EMC8: variants seen among roughly 807,000 people sequenced by gnomAD.
The protein encoded by EMC8 is ER membrane protein complex subunit 8, also known as COX4 neighbor.
A neutral mutation model predicts 24.3 loss-of-function variants in EMC8; 11 were observed. The observed-to-expected ratio is 0.45, with a 90% CI of 0.28 to 0.75. The LOEUF (loss-of-function observed/expected upper bound fraction) is 0.75. Ranked by LOEUF, EMC8 falls within the 30% of genes least tolerant of loss-of-function variation. The pLI, the probability that EMC8 is intolerant of heterozygous loss-of-function variation, is 0.12. For missense variants in EMC8, 277 were observed against 282.7 expected, an observed-to-expected ratio of 0.98 and a Z score of 0.14; for synonymous variants, 145 against 117.7, an observed-to-expected ratio of 1.23 and a Z score of -1.50.
At chr16:85,785,814 C>A (rs893652496) in intron 2 of EMC8, among the ~76,000 whole-genome samples, 2 of 152,196 alleles carry the variant, frequency 1.3e-5, no homozygotes, top group African/African-American at 4.8e-5. Context: ...TCACCCTCAA[C>A]AGCACCATGT....
At chr16:85,780,011 A>C in intron 4 of EMC8, 144 bp from the exon 5 acceptor site, 1 of 673,588 alleles carries the variant, frequency 1.5e-6, no homozygotes, top group Non-Finnish European at 2.6e-6. Flanking sequence ...TTTCAAACGC[A>C]TGAAGAGGTA....
intron 2 of EMC8, among the ~76,000 whole-genome samples, chr16:85,782,199 T>C (rs913832782): frequency 6.6e-6 from 1 of 152,210 alleles, no homozygotes; most frequent in Non-Finnish European, 1.5e-5. Context: ...GCAAAGCAGC[T>C]TGTCCACTGT....
chr16:85,781,229 G>A lies in EMC8; in HGVS notation c.360C>T (p.Ser120=), dbSNP rs759741223. The A allele has an allele frequency of 1.2e-6, 2 of 1,613,556 alleles. No individual in the cohort carries two copies. Among genetic ancestry groups the A allele is most frequent in the African/African-American group, 1.3e-5 (1 of 75,028 alleles). Reference sequence around the variant, plus strand: ...GACTTACCATGATGAGCGCAGTGTCGCTGAAGCCCTCGGCGATTCTGGAGG... The same window carrying A: ...GACTTACCATGATGAGCGCAGTGTCACTGAAGCCCTCGGCGATTCTGGAGG... ...KVASRIAEGF[S]DTALIMVDNT... The change falls in exon 3 of 5, where the codon AGC becomes AGT. Residue 120 remains serine (S), a synonymous_variant. Transcript: ENST00000253457.
intron 2 of EMC8, 134 bp from the exon 3 acceptor site, chr16:85,781,414 C>T (rs1904491404): frequency 3.0e-6 from 2 of 668,902 alleles, no homozygotes; most frequent in Non-Finnish European, 5.5e-6. Context: ...CACGTGCTCG[C>T]TTCGCTGGTT....
chr16:85,798,123 T>G (rs1044131226), intron 1 of EMC8, among the ~76,000 whole-genome samples: 2 of 139,272 alleles, frequency 1.4e-5, no homozygotes, highest in Non-Finnish European at 3.1e-5. Context: ...CGTTTTTTTT[T>G]TTTTTTTTTT....
chr16:85,797,228 T>C (rs982327164), intron 1 of EMC8, among the ~76,000 whole-genome samples: 2 of 152,116 alleles, frequency 1.3e-5, no homozygotes, highest in African/African-American at 2.4e-5. Context: ...GTCAACACAG[T>C]GAAACCCCAT....
At chr16:85,794,472 T>G (rs928177194) in intron 1 of EMC8, among the ~76,000 whole-genome samples, 3 of 152,148 alleles carry the variant, frequency 2.0e-5, no homozygotes, top group African/African-American at 7.2e-5. Flanking sequence ...GCGGACTGCC[T>G]GAGCTCAGGA....
chr16:85,792,828 C>A (rs1312624942), intron 1 of EMC8: 1 of 152,248 alleles, frequency 6.6e-6, no homozygotes, highest in African/African-American at 2.4e-5. Context: ...AACCTCTGTT[C>A]CCAATGAATC....
chr16:85,779,883 G>T lies in EMC8; in HGVS notation c.474-16C>A, dbSNP rs2152071857. ...ACAGTAGTCACTACGGGTCAAACAT[G>T]AAGAAGTCAGCATCTAACAGTGAAA... is the stretch of plus-strand genomic sequence containing the variant. On this transcript the variant is annotated splice_polypyrimidine_tract_variant and intron_variant, in intron 4 of 4. Transcript: ENST00000253457. 1 of 1,612,948 alleles carries T rather than the reference G, an allele frequency of 6.2e-7. No homozygotes were observed.
chr16:85,783,438 CA>C (rs1904605629), intron 2 of EMC8, among the ~76,000 whole-genome samples: 1 of 152,226 alleles, frequency 6.6e-6, no homozygotes, highest in African/African-American at 2.4e-5. Context: ...GGACCACAGG[CA>C]CGTGCTACGA....
At position 85,778,974 on chromosome 16, in the gene EMC8, G is replaced by A. The variant is rs1377115327; in HGVS notation, c.*734C>T. On this transcript the variant is annotated 3_prime_UTR_variant, in exon 5 of 5. Coordinates refer to ENST00000253457, the MANE Select transcript of EMC8 (RefSeq NM_006067.5). ...TTGTTTTTCCTAATACAAAAGAAAC[G>A]ATCATTTCCCTTTCCTGGCCCTGCA... The A allele has an allele frequency of 6.6e-6, 1 of 152,206 alleles. No individual in the cohort carries two copies. Among genetic ancestry groups the A allele is most frequent in the African/African-American group, 2.4e-5 (1 of 41,452 alleles). 9.4% of individuals were successfully genotyped at this position (152,206 alleles called of 1,614,324 possible). A position where few individuals can be genotyped will look rare whatever the true frequency, so the allele number is the denominator to read the frequency against.
At chr16:85,794,293 A>T (rs977127853) in intron 1 of EMC8, among the ~76,000 whole-genome samples, 19 of 152,188 alleles carry the variant, frequency 1.2e-4, no homozygotes, top group African/African-American at 4.6e-4. Context: ...TCCAGCTGCA[A>T]ATTTTCCCCT....
Position 85,789,151 on chromosome 16 carries a change from G to A in EMC8, c.232-101C>T, listed in dbSNP as rs1374682032. ...ACTGCCACATGCTGGGACAAGACAT[G>A]ACAGAATCTTAATCCTCATACCCTA... On this transcript the variant is annotated intron_variant, in intron 1 of 4. Coordinates refer to ENST00000253457, the MANE Select transcript of EMC8 (RefSeq NM_006067.5). 3 of 818,670 alleles carry A rather than the reference G, an allele frequency of 3.7e-6. No homozygotes were observed. The African/African-American group carries it at 5.0e-5, about 14-fold the overall frequency. The allele number at this position is 818,670 out of a possible 1,614,324, so 50.7% of individuals were successfully genotyped here.
At chr16:85,797,968 C>T (rs1313928833) in intron 1 of EMC8, among the ~76,000 whole-genome samples, 1 of 152,172 alleles carries the variant, frequency 6.6e-6, no homozygotes, top group Non-Finnish European at 1.5e-5. Flanking sequence ...TGAAAAGCTA[C>T]TGCCTAAAAT....
At chr16:85,796,998 A>C (rs114922800) in intron 1 of EMC8, among the ~76,000 whole-genome samples, 2,950 of 152,344 alleles carry the variant, frequency 0.019, 101 homozygotes, top group African/African-American at 0.067. Flanking sequence ...GCAGATACTC[A>C]AAAACATTTA....
rs1390595560 is a variant in EMC8, at chr16:85,799,409, C to G, written c.-114G>C. On this transcript the variant is annotated 5_prime_UTR_variant, in exon 1 of 5. Transcript: ENST00000253457. The surrounding 1 kb of genome is among the most constrained non-coding windows in gnomAD (Gnocchi z 4.2). ...GGGACGAGGCGGCGGCGATTGATGG[C>G]GCGGCCGCGGGCTGGCGGGGGACCC... is the stretch of plus-strand genomic sequence containing the variant. The G allele has an allele frequency of 1.7e-6, 1 of 593,852 alleles. No individual in the cohort carries two copies. The highest frequency in any genetic ancestry group is 3.6e-5 in the East Asian group (1 of 27,840). 36.8% of individuals were successfully genotyped at this position (593,852 alleles called of 1,614,324 possible). A position where few individuals can be genotyped will look rare whatever the true frequency, so the allele number is the denominator to read the frequency against.
At chr16:85,786,732 G>C (rs964825411) in intron 2 of EMC8, among the ~76,000 whole-genome samples, 1 of 152,298 alleles carries the variant, frequency 6.6e-6, no homozygotes, top group Middle Eastern at 3.4e-3. Flanking sequence ...GTGAGGATAG[G>C]GAGGACATTC....
At chr16:85,783,654 C>G (rs1000411826) in intron 2 of EMC8, among the ~76,000 whole-genome samples, 27 of 152,346 alleles carry the variant, frequency 1.8e-4, no homozygotes, top group African/African-American at 5.8e-4. Flanking sequence ...TGTGCAGCCA[C>G]AGGGGCAATG....
chr16:85,794,321 G>C (rs915763947), intron 1 of EMC8, among the ~76,000 whole-genome samples: 1 of 152,196 alleles, frequency 6.6e-6, no homozygotes, highest in Admixed American at 6.5e-5. Context: ...TCCTCTGAAA[G>C]TTATTTCATG....
Sources: allele counts gnomAD v4.1 joint callset (sites outside exome capture counted in the v4.1 genomes callset), GRCh38; gene constraint gnomAD v4.1.1; non-coding constraint Gnocchi (gnomAD v3.1); transcripts MANE v1.5; gene names NCBI Gene and HGNC (gene_info 2026-07-23, HGNC 2026-07-21).